PITPNM3: variants seen among roughly 807,000 people sequenced by gnomAD.
PITPNM3 encodes the protein membrane-associated phosphatidylinositol transfer protein 3.
Under a neutral mutation model 102.0 loss-of-function variants are expected in PITPNM3, and 26 were observed. The observed-to-expected ratio is 0.25, with a 90% CI of 0.19 to 0.35. The LOEUF is 0.35. Among genes scored for constraint, PITPNM3 ranks in the 10% least tolerant of loss-of-function variants. The probability of loss-of-function intolerance (pLI) is 1.00; values close to 1 mark genes in which losing one functional copy is unlikely to be tolerated. For synonymous variants in PITPNM3, 578 were observed against 558.6 expected (o/e 1.03, Z -0.49); for missense variants, 1,083 against 1,346.1 (o/e 0.80, Z 3.06).
rs1432314885 is a variant in PITPNM3, at chr17:6,537,913, C to A, written c.118+74G>T. 3 of 1,288,902 alleles carry A rather than the reference C, an allele frequency of 2.3e-6. No homozygotes were observed. The highest frequency in any genetic ancestry group is 4.8e-5 in the East Asian group (2 of 41,786). The allele number at this position is 1,288,902 out of a possible 1,614,324, so 79.8% of individuals were successfully genotyped here. A position where few individuals can be genotyped will look rare whatever the true frequency, so the allele number is the denominator to read the frequency against. On this transcript the variant is annotated intron_variant, in intron 2 of 19. Coordinates refer to ENST00000262483, the MANE Select transcript of PITPNM3 (RefSeq NM_031220.4). This position sits in a 1 kb window ranked among gnomAD's most constrained non-coding sequence, Gnocchi z 4.4. ...GTCTGAGTGGGGAGGGATGCGGACCCCCAAATGGGATCTTCTTCTTGAGGC... is the reference window on the plus strand; with the variant it reads ...GTCTGAGTGGGGAGGGATGCGGACCACCAAATGGGATCTTCTTCTTGAGGC...
intron 17 of PITPNM3, 48 bp from the exon 18 acceptor site, chr17:6,461,604 C>T (rs373348085): frequency 2.6e-5 from 41 of 1,596,396 alleles, no homozygotes; most frequent in Non-Finnish European, 3.3e-5. Context: ...GTGCAGGCCA[C>T]CTGATGCCCA....
At chr17:6,533,997 C>T (rs528225967) in intron 2 of PITPNM3, among the ~76,000 whole-genome samples, 1 of 152,210 alleles carries the variant, frequency 6.6e-6, no homozygotes, top group South Asian at 2.1e-4. Flanking sequence ...GGTTCCCCAG[C>T]CTCCGTTTCC....
chr17:6,461,174 C>A (rs990424771), intron 18 of PITPNM3, among the ~76,000 whole-genome samples, 199 bp downstream of exon 18: 1 of 152,208 alleles, frequency 6.6e-6, no homozygotes, highest in Non-Finnish European at 1.5e-5. Context: ...GTTGCCGGAG[C>A]CTCACCTTTC....
chr17:6,471,295 G>C lies in PITPNM3; in HGVS notation c.1490C>G (p.Pro497Arg), dbSNP rs1905060391. The stretch of plus-strand genomic sequence containing the variant: ...GGGCGAGGCAGGGGCATCCAGAAGT[G>C]GCGGGCTGTCCCGGGAGCTGCCCTC... ...FLEGSSRDSPPLLDAPASPPQ... is the reference protein window; with the variant it reads ...FLEGSSRDSPRLLDAPASPPQ... The change falls in exon 12 of 20, where the codon CCA becomes CGA. Residue 497 changes from proline to arginine, a missense_variant. Coordinates refer to ENST00000262483, the MANE Select transcript of PITPNM3 (RefSeq NM_031220.4). The C allele has an allele frequency of 6.2e-7, 1 of 1,612,146 alleles. No individual in the cohort carries two copies. Among genetic ancestry groups the C allele is most frequent in the South Asian group, 1.1e-5 (1 of 90,898 alleles).
In PITPNM3 at chr17:6,516,154, A is replaced by G. The variant is rs114301845; in HGVS notation, c.226+9202T>C. Among the ~76,000 whole-genome samples the G allele has an allele frequency of 2.6e-3, 395 of 152,348 alleles. 4 individuals are homozygous for G. Among genetic ancestry groups the G allele is most frequent in the African/African-American group, 8.9e-3 (370 of 41,584 alleles). ...ACCTGCAGAATGGAGACTGATGAAG[A>G]GAAAATGGGTGAGCTGTTGGTTAGA... On this transcript the variant is annotated intron_variant, in intron 3 of 19. Transcript: ENST00000262483.
intron 4 of PITPNM3, among the ~76,000 whole-genome samples, chr17:6,496,505 C>T (rs145368810): frequency 3.9e-5 from 6 of 152,306 alleles, no homozygotes; most frequent in African/African-American, 9.6e-5. Context: ...TTCCTTCCTT[C>T]CGGGGGCCTT....
rs1355706987 is a variant in PITPNM3 at position 6,464,695 on chromosome 17, A to G, written c.1967T>C (p.Met656Thr). 13 of 1,614,194 alleles carry G rather than the reference A, an allele frequency of 8.1e-6. No homozygotes were observed. Among genetic ancestry groups the G allele is most frequent in the Non-Finnish European group, 1.0e-5 (12 of 1,180,032 alleles). The change falls in exon 15 of 20, where the codon ATG (methionine) becomes ACG (threonine). Residue 656 changes from methionine (M) to threonine (T), a missense_variant. Coordinates refer to ENST00000262483, the MANE Select transcript of PITPNM3 (RefSeq NM_031220.4). ...AGCCACCATGTCGAGGGGCCCGTAC[A>G]TGAACCGCCCCACCAGGACCTGGGG... ...DGPQVLVGRF[M>T]YGPLDMVALT...
chr17:6,553,238 G>A (rs1361847348), intron 1 of PITPNM3, among the ~76,000 whole-genome samples: 1 of 151,868 alleles, frequency 6.6e-6, no homozygotes, highest in Admixed American at 6.6e-5. Context: ...CCCCACCCCT[G>A]CCCCCACCTC....
chr17:6,455,733 G>GAGAT, intron 19 of PITPNM3, 90 bp from the exon 20 acceptor site: 1 of 95,174 alleles, frequency 1.1e-5, no homozygotes, highest in Non-Finnish European at 2.4e-5. Flanking sequence ...GGGAGGGGAG[G>GAGAT]GGAGGGGAGG....
chr17:6,455,494 C>A lies in PITPNM3; in HGVS notation c.2769G>T (p.Leu923=), dbSNP rs550390466. 77 of 1,605,948 alleles carry A rather than the reference C, an allele frequency of 4.8e-5. No homozygotes were observed. The highest frequency in any genetic ancestry group is 6.1e-5 in the Non-Finnish European group (72 of 1,179,642). ...GCTGCTGCACTGACATGGTTCTGCG[C>A]AGGTGGTTGCGCTTCCGCAGGAACT... The part of the protein sequence containing the change: ...QPEFLRKRNH[L]RRTMSVQQPD... The change falls in exon 20 of 20, where the codon CTG becomes CTT. Residue 923 remains leucine, a synonymous_variant. Transcript: ENST00000262483.
At chr17:6,540,150 G>C (rs528760548) in intron 1 of PITPNM3, among the ~76,000 whole-genome samples, 14 of 152,320 alleles carry the variant, frequency 9.2e-5, no homozygotes, top group Admixed American at 2.6e-4. Context: ...GAGGGAGCAA[G>C]TTCTCCCAGC....
intron 3 of PITPNM3, among the ~76,000 whole-genome samples, chr17:6,504,772 C>A (rs559364966): frequency 1.3e-5 from 2 of 152,198 alleles, no homozygotes; most frequent in Non-Finnish European, 2.9e-5. Context: ...GAACCATGCA[C>A]CCTTGGGCAA....
At chr17:6,480,306 C>T (rs150487271) in intron 6 of PITPNM3, 145 of 152,362 alleles carry the variant, frequency 9.5e-4, no homozygotes, top group African/African-American at 3.3e-3. Flanking sequence ...AAATCAGAGT[C>T]TCTGACTTTC....
intron 3 of PITPNM3, among the ~76,000 whole-genome samples, chr17:6,511,623 C>T (rs1428833423): frequency 6.6e-6 from 1 of 152,090 alleles, no homozygotes; most frequent in Non-Finnish European, 1.5e-5. Flanking sequence ...TGTGTGACTG[C>T]AAAGGACAAA....
Position 6,483,573 on chromosome 17 carries a change from G to T in PITPNM3, c.531C>A (p.Leu177=), listed in dbSNP as rs374847640. The part of the protein sequence containing the change: ...AHFPAALGHI[L]IKFVPCPAIC... Reference sequence around the variant, plus strand: ...TGGCAGGACAGGGGACGAACTTGATGAGGATGTGGCCCAGGGCAGCAGGGA... The same window carrying T: ...TGGCAGGACAGGGGACGAACTTGATTAGGATGTGGCCCAGGGCAGCAGGGA... Residue 177 remains leucine (L), a synonymous_variant, in exon 6 of 20, where the codon CTC becomes CTA. Coordinates refer to ENST00000262483, the MANE Select transcript of PITPNM3 (RefSeq NM_031220.4). 1 of 1,614,008 alleles carries T rather than the reference G, an allele frequency of 6.2e-7. No homozygotes were observed. Among genetic ancestry groups the T allele is most frequent in the African/African-American group, 1.3e-5 (1 of 74,904 alleles).
chr17:6,461,017 C>T, intron 18 of PITPNM3: 1 of 356,434 alleles, frequency 2.8e-6, no homozygotes, highest in Non-Finnish European at 5.3e-6. Flanking sequence ...ATCCTCTGCC[C>T]CCCTGGTTCT....
At chr17:6,520,817 A>G (rs553711468) in intron 3 of PITPNM3, among the ~76,000 whole-genome samples, 5 of 152,384 alleles carry the variant, frequency 3.3e-5, no homozygotes, top group South Asian at 2.1e-4. Flanking sequence ...AATGGAATAA[A>G]GTACTGATTC....
chr17:6,492,307 C>T (rs572698790), intron 4 of PITPNM3, among the ~76,000 whole-genome samples: 48 of 152,100 alleles, frequency 3.2e-4, no homozygotes, highest in African/African-American at 1.2e-3. Context: ...TTGTGATCTG[C>T]CCACCTCAGC....
chr17:6,491,981 A>T (rs1194815846), intron 4 of PITPNM3, among the ~76,000 whole-genome samples: 2 of 151,074 alleles, frequency 1.3e-5, no homozygotes. Flanking sequence ...TTCTCTAAGG[A>T]GTCCATATTT....
Sources: allele counts gnomAD v4.1 joint callset (sites outside exome capture counted in the v4.1 genomes callset), GRCh38; gene constraint gnomAD v4.1.1; non-coding constraint Gnocchi (gnomAD v3.1); transcripts MANE v1.5; gene names NCBI Gene and HGNC (gene_info 2026-07-23, HGNC 2026-07-21).